VPS26A: variants seen among roughly 807,000 people sequenced by gnomAD.
VPS26A encodes the protein VPS26 retromer complex component A.
A neutral mutation model predicts 42.4 loss-of-function variants in VPS26A; 22 were observed. The ratio of observed to expected loss-of-function variants is 0.52; its 90% CI spans 0.37 to 0.74. VPS26A has a LOEUF of 0.74. Among genes scored for constraint, VPS26A ranks in the 30% least tolerant of loss-of-function variants. The pLI is 0.00. For synonymous variants in VPS26A, 110 were observed against 123.5 expected, an observed-to-expected ratio of 0.89 and a Z score of 0.73; for missense variants, 276 against 379.2, an observed-to-expected ratio of 0.73 and a Z score of 2.26.
chr10:69,168,747 A>G, intron 8 of VPS26A, 116 bp downstream of exon 8: 1 of 1,292,994 alleles, frequency 7.7e-7, no homozygotes, highest in East Asian at 2.5e-5. Context: ...AAATAAAAAC[A>G]CTGTGGGTAT....
intron 2 of VPS26A, among the ~76,000 whole-genome samples, chr10:69,135,343 G>A (rs938233617): frequency 6.6e-6 from 1 of 152,360 alleles, no homozygotes; most frequent in Admixed American, 6.5e-5. Context: ...ACCTGGACCA[G>A]TTGAAGTTCA....
intron 6 of VPS26A, among the ~76,000 whole-genome samples, chr10:69,164,963 CTG>C (rs1296179945): frequency 6.7e-6 from 1 of 149,758 alleles, no homozygotes; most frequent in Non-Finnish European, 1.5e-5. Flanking sequence ...GCGTCTCCCT[CTG>C]TTTCCAGGCT....
intron 2 of VPS26A, chr10:69,133,489 C>T (rs1840832200): frequency 3.7e-6 from 4 of 1,075,436 alleles, no homozygotes; most frequent in South Asian, 1.5e-5. Flanking sequence ...TGTAACTTAC[C>T]TCTCTGTACT....
At position 69,173,217 on chromosome 10, in the gene VPS26A, TA is replaced by T. The variant is rs1423559811; in HGVS notation, c.*1950del. Among the ~76,000 whole-genome samples, 1 of 152,216 alleles carries T rather than the reference TA, an allele frequency of 6.6e-6. No individual in the cohort carries two copies. Among genetic ancestry groups the T allele is most frequent in the Non-Finnish European group, 1.5e-5 (1 of 68,034 alleles). On this transcript the variant is annotated 3_prime_UTR_variant, in exon 9 of 9. Coordinates refer to ENST00000263559, the MANE Select transcript of VPS26A (RefSeq NM_004896.5). ...GTCTTTAATGAAGAGTTACAATGTC[TA>T]ATCCATTGGTTCTCAACCCTGGCTG... is the stretch of plus-strand genomic sequence containing the variant.
chr10:69,150,353 GC>G (rs1329521090), intron 2 of VPS26A, among the ~76,000 whole-genome samples: 1 of 151,964 alleles, frequency 6.6e-6, no homozygotes, highest in East Asian at 1.9e-4. Flanking sequence ...ACTGCGCCCG[GC>G]CCAACTTTCC....
chr10:69,139,269 G>A (rs961840019), intron 2 of VPS26A, among the ~76,000 whole-genome samples: 1 of 151,818 alleles, frequency 6.6e-6, no homozygotes. Flanking sequence ...GAATAATCTT[G>A]GCTTACATTT....
intron 2 of VPS26A, among the ~76,000 whole-genome samples, chr10:69,144,076 T>C (rs7914719): frequency 0.76 from 115,225 of 152,016 alleles, 45,753 homozygotes; most frequent in Non-Finnish European, 0.89. Context: ...CCAGCAGTTC[T>C]ACTCCTAGAT....
chr10:69,131,199 C>T (rs553664731), intron 1 of VPS26A, among the ~76,000 whole-genome samples: 19 of 152,210 alleles, frequency 1.2e-4, no homozygotes, highest in African/African-American at 3.6e-4. Context: ...AGGCTTGTCC[C>T]GAACTGCTGA....
chr10:69,151,619 CTG>C (rs1194917625), intron 2 of VPS26A, among the ~76,000 whole-genome samples: 2 of 152,136 alleles, frequency 1.3e-5, no homozygotes, highest in East Asian at 1.9e-4. Context: ...TTAAAAGCAA[CTG>C]TGTTTTAACA....
Position 69,168,496 on chromosome 10 carries a change from A to C in VPS26A, c.735A>C (p.Ser245=). The change falls in exon 8 of 9, where the codon TCA becomes TCC. Residue 245 remains serine, a synonymous_variant. Transcript: ENST00000263559. ...AAATTCCTTTTCTTTCAGGTGAATCAATTCCAATAAGGCTATTTTTAGCAG... is the reference window on the plus strand; with the variant it reads ...AAATTCCTTTTCTTTCAGGTGAATCCATTCCAATAAGGCTATTTTTAGCAG... The part of the protein sequence containing the change: ...IMDGAPVKGE[S]IPIRLFLAGY... The C allele has an allele frequency of 6.2e-7, 1 of 1,608,970 alleles. No individual in the cohort carries two copies. Among genetic ancestry groups the C allele is most frequent in the Non-Finnish European group, 8.5e-7 (1 of 1,178,790 alleles).
At position 69,173,433 on chromosome 10, in the gene VPS26A, C is replaced by G. The variant is rs1841860979; in HGVS notation, c.*2164C>G. Among the ~76,000 whole-genome samples, 1 of 152,050 alleles carries G rather than the reference C, an allele frequency of 6.6e-6. No homozygotes were observed. Among genetic ancestry groups the G allele is most frequent in the Non-Finnish European group, 1.5e-5 (1 of 68,006 alleles). The stretch of plus-strand genomic sequence containing the variant: ...ACCTGGAATTCGAGACCAGCCTGGC[C>G]AACAAAAATGAGACCCTATCTCTAC... On this transcript the variant is annotated 3_prime_UTR_variant, in exon 9 of 9. Coordinates refer to ENST00000263559, the MANE Select transcript of VPS26A (RefSeq NM_004896.5).
At chr10:69,167,438 GAAAAAGAAAA>G (rs1487463090) in intron 7 of VPS26A, among the ~76,000 whole-genome samples, 5 of 117,772 alleles carry the variant, frequency 4.2e-5, no homozygotes, top group Non-Finnish European at 9.1e-5. Flanking sequence ...AAAAGAAAAA[GAAAAAGAAAA>G]AAAAAAGCCA....
chr10:69,124,489 C>A (rs921212119), intron 1 of VPS26A, among the ~76,000 whole-genome samples: 26 of 152,176 alleles, frequency 1.7e-4, no homozygotes, highest in African/African-American at 6.3e-4. Context: ...CACCTACGGG[C>A]GGCGGCGTGC....
At chr10:69,163,446 G>A (rs1055885930) in intron 6 of VPS26A, among the ~76,000 whole-genome samples, 3 of 152,130 alleles carry the variant, frequency 2.0e-5, no homozygotes, top group East Asian at 1.9e-4. Flanking sequence ...CATGTTATCA[G>A]TAAGTCCTCT....
chr10:69,132,957 G>A lies in VPS26A; in HGVS notation c.63G>A (p.Gly21=), dbSNP rs750228325. The change falls in exon 2 of 9, where the codon GGG becomes GGA. Residue 21 remains glycine (G), a synonymous_variant. Transcript: ENST00000263559. ...AGATCGATATTGTTCTTAATGATGG[G>A]GAAACCAGGAAAATGGCAGAAATGA... ...ICEIDIVLND[G]ETRKMAEMKT... The A allele has an allele frequency of 3.7e-6, 6 of 1,611,616 alleles. No individual in the cohort carries two copies. The South Asian group carries it at 6.6e-5, about 18-fold the overall frequency.
intron 2 of VPS26A, among the ~76,000 whole-genome samples, chr10:69,148,943 A>G: frequency 6.6e-6 from 1 of 151,778 alleles, no homozygotes; most frequent in East Asian, 1.9e-4. Context: ...TTTTTAGTAG[A>G]GATGGGGTTT....
At chr10:69,141,639 A>G (rs1377116054) in intron 2 of VPS26A, among the ~76,000 whole-genome samples, 1 of 152,196 alleles carries the variant, frequency 6.6e-6, no homozygotes, top group Non-Finnish European at 1.5e-5. Context: ...ATCAGATTTT[A>G]TCCTAAAATA....
chr10:69,124,223 A>G lies in VPS26A; in HGVS notation c.-55A>G. 2.3e-6 allele frequency: 3 copies of G among 1,277,836 alleles called. No homozygotes were observed. Among genetic ancestry groups the G allele is most frequent in the Non-Finnish European group, 3.0e-6 (3 of 1,006,670 alleles). The allele number at this position is 1,277,836 out of a possible 1,614,324, so 79.2% of individuals were successfully genotyped here. A position where few individuals can be genotyped will look rare whatever the true frequency, so the allele number is the denominator to read the frequency against. ...CGGAGCGGAGGGAGCCGGGGCTGGG[A>G]GTTCTCCTGAGGGAAGAGGAGTGGA... On this transcript the variant is annotated 5_prime_UTR_variant, in exon 1 of 9. Transcript: ENST00000263559.
intron 2 of VPS26A, among the ~76,000 whole-genome samples, chr10:69,135,139 AC>A (rs1418300362): frequency 6.6e-6 from 1 of 152,192 alleles, no homozygotes; most frequent in Non-Finnish European, 1.5e-5. Context: ...TACAGATATG[AC>A]ATGTAAATAT....
Sources: gnomAD v4.1 joint callset for allele counts (sites outside exome capture counted in the v4.1 genomes callset) on GRCh38, gnomAD v4.1.1 for gene constraint, MANE v1.5 for transcripts, NCBI Gene and HGNC (gene_info 2026-07-23, HGNC 2026-07-21) for gene names.